FKBP1A: variants seen among roughly 807,000 people sequenced by gnomAD.
FKBP1A encodes the protein peptidyl-prolyl cis-trans isomerase FKBP1A.
FKBP1A carries 5 observed loss-of-function variants against 14.2 expected under a neutral mutation model. That is an observed-to-expected ratio of 0.35 (90% CI 0.18 to 0.74). The LOEUF (loss-of-function observed/expected upper bound fraction) is 0.74. FKBP1A is among the 30% of genes least tolerant of loss of function. The pLI, the probability that FKBP1A is intolerant of heterozygous loss-of-function variation, is 0.56. For synonymous variants in FKBP1A, 42 were observed against 49.1 expected (o/e 0.86, Z 0.60); for missense variants, 53 against 138.8 (o/e 0.38, Z 3.10).
intron 2 of FKBP1A, chr20:1,391,608 C>A: frequency 2.5e-6 from 1 of 398,492 alleles, no homozygotes; most frequent in Non-Finnish European, 4.4e-6. Flanking sequence ...GTTGCCTTTT[C>A]CTCTTTCCAG....
chr20:1,388,482 C>T (rs7509453), intron 2 of FKBP1A, among the ~76,000 whole-genome samples: 34 of 152,312 alleles, frequency 2.2e-4, no homozygotes, highest in Non-Finnish European at 4.0e-4. Flanking sequence ...CAGCAGGCAT[C>T]GTTACTCCCA....
chr20:1,381,076 T>C (rs2089612129), intron 2 of FKBP1A, among the ~76,000 whole-genome samples: 1 of 152,302 alleles, frequency 6.6e-6, no homozygotes, highest in South Asian at 2.1e-4. Flanking sequence ...TAGTATGATG[T>C]CAAAAAGCAC....
At chr20:1,390,919 G>A (rs1034564764) in intron 2 of FKBP1A, among the ~76,000 whole-genome samples, 1 of 152,186 alleles carries the variant, frequency 6.6e-6, no homozygotes. Context: ...GAAACATGTG[G>A]GTGCGTGCCA....
intron 2 of FKBP1A, among the ~76,000 whole-genome samples, chr20:1,381,304 A>C (rs2089614388): frequency 6.6e-6 from 1 of 152,250 alleles, no homozygotes; most frequent in South Asian, 2.1e-4. Flanking sequence ...TCATTGAAAA[A>C]GACAGAGGGC....
chr20:1,370,263 C>A (rs2089445536), intron 4 of FKBP1A, 191 bp from the exon 5 acceptor site: 2 of 985,354 alleles, frequency 2.0e-6, no homozygotes, highest in African/African-American at 3.5e-5. Flanking sequence ...AACAAACTTT[C>A]TCCTTAAATT....
chr20:1,379,899 T>G lies in FKBP1A; in HGVS notation c.86-4296A>C, dbSNP rs2089597629. The stretch of plus-strand genomic sequence containing the variant: ...AGGCCACTTATCTATGGCCCTAAGT[T>G]GTCAGCCTGGGGGAGAAGGTGGAAG... On this transcript the variant is annotated intron_variant, in intron 2 of 4. Transcript: ENST00000400137. The surrounding 1 kb of genome is among the most constrained non-coding windows in gnomAD (Gnocchi z 4.3). Among the ~76,000 whole-genome samples, 1 of 152,112 alleles carries G rather than the reference T, an allele frequency of 6.6e-6. No individual in the cohort carries two copies. The highest frequency in any genetic ancestry group is 1.9e-4 in the East Asian group (1 of 5,174).
Position 1,383,635 on chromosome 20 carries a change from T to G in FKBP1A, c.86-8032A>C, listed in dbSNP as rs372903302. On this transcript the variant is annotated intron_variant, in intron 2 of 4. Coordinates refer to ENST00000400137, the MANE Select transcript of FKBP1A (RefSeq NM_000801.5). Reference sequence around the variant, plus strand: ...GACTGGCATGAGTTTGCAACCAGCCTGGGCAACACAGCAAGACTCATGTCC... The same window carrying G: ...GACTGGCATGAGTTTGCAACCAGCCGGGGCAACACAGCAAGACTCATGTCC... 6.1e-3 allele frequency among the ~76,000 whole-genome samples: 888 copies of G among 145,558 alleles called. 6 individuals are homozygous for G. The highest frequency in any genetic ancestry group is 1.0e-2 in the Non-Finnish European group (672 of 67,226).
Position 1,393,023 on chromosome 20 carries a change from G to A in FKBP1A, c.-25C>T, listed in dbSNP as rs1489054828. ...TGGCGGCGGCGGACGCTGAGCGGGC[G>A]GGCGGCGCGACGGGCGGCGTGGACC... On this transcript the variant is annotated 5_prime_UTR_variant, in exon 1 of 5. Transcript: ENST00000400137. 5.5e-6 allele frequency: 8 copies of A among 1,442,828 alleles called. No homozygotes were observed. The highest frequency in any genetic ancestry group is 1.5e-5 in the African/African-American group (1 of 66,122). 89.4% of individuals were successfully genotyped at this position (1,442,828 alleles called of 1,614,324 possible).
intron 3 of FKBP1A, among the ~76,000 whole-genome samples, chr20:1,373,922 C>A (rs2089503698): frequency 6.6e-6 from 1 of 152,182 alleles, no homozygotes; most frequent in Non-Finnish European, 1.5e-5. Flanking sequence ...CCTCACACTG[C>A]CAACCCTCTG....
intron 2 of FKBP1A, among the ~76,000 whole-genome samples, chr20:1,388,438 G>C (rs2089692891): frequency 6.6e-6 from 1 of 152,208 alleles, no homozygotes; most frequent in Non-Finnish European, 1.5e-5. Context: ...ACACTTTGGA[G>C]ACAACTGGGT....
intron 2 of FKBP1A, chr20:1,391,506 A>C: frequency 2.5e-6 from 1 of 394,076 alleles, no homozygotes. Flanking sequence ...CAGAATTTTT[A>C]AAGTTCTAGT....
chr20:1,392,807 C>A, intron 2 of FKBP1A, 27 bp downstream of exon 2: 1 of 1,479,110 alleles, frequency 6.8e-7, no homozygotes, highest in Non-Finnish European at 9.0e-7. Flanking sequence ...CGGCCCGGGC[C>A]CCCTCCCCGC....
At chr20:1,392,176 A>T (rs1270618552) in intron 2 of FKBP1A, among the ~76,000 whole-genome samples, 2 of 152,252 alleles carry the variant, frequency 1.3e-5, no homozygotes, top group Admixed American at 1.3e-4. Context: ...AGCCTGAGCC[A>T]GCGCTGTCAC....
intron 4 of FKBP1A, chr20:1,370,308 T>C (rs1358069055): frequency 3.0e-6 from 3 of 985,344 alleles, no homozygotes; most frequent in Non-Finnish European, 3.6e-6. Context: ...AGGTTAAGTT[T>C]GCCTTGCTGA....
intron 2 of FKBP1A, among the ~76,000 whole-genome samples, chr20:1,383,883 G>A (rs1369662343): frequency 6.6e-6 from 1 of 151,828 alleles, no homozygotes; most frequent in African/African-American, 2.4e-5. Flanking sequence ...TGGAGGTAGG[G>A]GGAGCCAGTA....
chr20:1,379,261 G>A lies in FKBP1A; in HGVS notation c.86-3658C>T, dbSNP rs1225715466. ...ACCTCCAGACACTACATGCATCAAT[G>A]TATCAATGTTGCTTTGCCTGAGGTG... On this transcript the variant is annotated intron_variant, in intron 2 of 4. Transcript: ENST00000400137. The surrounding 1 kb of genome is among the most constrained non-coding windows in gnomAD (Gnocchi z 4.3). Among the ~76,000 whole-genome samples the A allele has an allele frequency of 1.3e-5, 2 of 152,164 alleles. No individual in the cohort carries two copies. The highest frequency in any genetic ancestry group is 1.9e-4 in the East Asian group (1 of 5,194).
At chr20:1,382,797 C>T (rs2089630970) in intron 2 of FKBP1A, among the ~76,000 whole-genome samples, 1 of 152,226 alleles carries the variant, frequency 6.6e-6, no homozygotes, top group African/African-American at 2.4e-5. Flanking sequence ...AAAGCTATGA[C>T]TGACTGCATG....
chr20:1,369,919 G>C lies in FKBP1A; in HGVS notation c.*190C>G, dbSNP rs73581254. The C allele has an allele frequency of 5.6e-3, 6,495 of 1,154,086 alleles. 282 individuals carry two copies. In the African/African-American group the frequency reaches 0.091, roughly 16 times the overall value. The allele number at this position is 1,154,086 out of a possible 1,614,324, so 71.5% of individuals were successfully genotyped here. ...GTAAACACACATACGAGGAGAAAGG[G>C]GAAGAGGAAACAGAGGTGTCGGAAG... On this transcript the variant is annotated 3_prime_UTR_variant, in exon 5 of 5. Transcript: ENST00000400137.
rs761506080 is a variant in FKBP1A, at chr20:1,379,088, C to T, written c.86-3485G>A. ...CCACAATTTGGAAAGTACGGTATAC[C>T]TATAAAAAATTAGCCTTATTTCTTG... On this transcript the variant is annotated intron_variant, in intron 2 of 4. Coordinates refer to ENST00000400137, the MANE Select transcript of FKBP1A (RefSeq NM_000801.5). This position sits in a 1 kb window ranked among gnomAD's most constrained non-coding sequence, Gnocchi z 4.3. Among the ~76,000 whole-genome samples, 3 of 152,130 alleles carry T rather than the reference C, an allele frequency of 2.0e-5. No individual in the cohort carries two copies. The highest frequency in any genetic ancestry group is 6.5e-5 in the Admixed American group (1 of 15,268).
Sources: gnomAD v4.1 joint callset for allele counts (sites outside exome capture counted in the v4.1 genomes callset) on GRCh38, gnomAD v4.1.1 for gene constraint, Gnocchi (gnomAD v3.1) non-coding constraint, MANE v1.5 for transcripts, NCBI Gene and HGNC (gene_info 2026-07-23, HGNC 2026-07-21) for gene names.